DLGAP2: variants seen among roughly 807,000 people sequenced by gnomAD.
DLGAP2 encodes the protein DLG associated protein 2, also known as disks large-associated protein 2.
A neutral mutation model predicts 100.3 loss-of-function variants in DLGAP2; 26 were observed. That is an observed-to-expected ratio of 0.26 (90% CI 0.19 to 0.36). The LOEUF (loss-of-function observed/expected upper bound fraction) is 0.36. DLGAP2 is among the 10% of genes least tolerant of loss of function. DLGAP2 has a pLI of 1.00. For missense variants in DLGAP2, 1,858 were observed against 1,453.2 expected (o/e 1.28, Z -4.53); for synonymous variants, 886 against 630.1 (o/e 1.41, Z -6.08).
At chr8:1,437,136 G>A (rs958014920) in intron 3 of DLGAP2, among the ~76,000 whole-genome samples, 2 of 149,996 alleles carry the variant, frequency 1.3e-5, no homozygotes, top group African/African-American at 4.9e-5. Flanking sequence ...TAAGGGTGAC[G>A]CCATCCGGGT....
chr8:1,319,982 G>C (rs561107371), intron 3 of DLGAP2, among the ~76,000 whole-genome samples: 1 of 152,252 alleles, frequency 6.6e-6, no homozygotes, highest in African/African-American at 2.4e-5. Context: ...AACAGGGGTG[G>C]GGGAGAATAG....
intron 6 of DLGAP2, among the ~76,000 whole-genome samples, chr8:1,614,861 GCACA>G (rs149530782): frequency 2.0e-5 from 3 of 151,982 alleles, no homozygotes; most frequent in Non-Finnish European, 4.4e-5. Context: ...ACGTGCACAC[GCACA>G]CACACACACG....
intron 3 of DLGAP2, among the ~76,000 whole-genome samples, chr8:1,264,127 A>G (rs1487676800): frequency 6.6e-6 from 1 of 151,594 alleles, no homozygotes; most frequent in African/African-American, 2.4e-5. Context: ...ACAATATGTA[A>G]CACAATTTAT....
chr8:1,552,481 G>A (rs898551778), intron 5 of DLGAP2, among the ~76,000 whole-genome samples: 1 of 152,190 alleles, frequency 6.6e-6, no homozygotes, highest in African/African-American at 2.4e-5. Context: ...TCCTCGGGCT[G>A]TTTCTGTCCT....
intron 3 of DLGAP2, among the ~76,000 whole-genome samples, chr8:1,485,632 G>C (rs891977505): frequency 6.6e-6 from 1 of 152,320 alleles, no homozygotes; most frequent in African/African-American, 2.4e-5. Context: ...CCCCCTCCCA[G>C]CTCCCACTGT....
At chr8:1,260,003 C>T (rs78588409) in intron 3 of DLGAP2, among the ~76,000 whole-genome samples, 2 of 152,238 alleles carry the variant, frequency 1.3e-5, no homozygotes, top group African/African-American at 4.8e-5. Flanking sequence ...AAACATCAGA[C>T]TTTGGACACC....
intron 2 of DLGAP2, among the ~76,000 whole-genome samples, chr8:1,089,019 C>T (rs563743892): frequency 9.7e-5 from 13 of 134,290 alleles, no homozygotes; most frequent in African/African-American, 3.9e-4. Flanking sequence ...CTCACTCTCT[C>T]CACCCCTCAT....
At chr8:1,139,631 A>T (rs552959308) in intron 2 of DLGAP2, among the ~76,000 whole-genome samples, 1 of 152,308 alleles carries the variant, frequency 6.6e-6, no homozygotes, top group Middle Eastern at 3.4e-3. Context: ...GGAAGCCCAC[A>T]GGTCACTAAT....
chr8:1,244,805 G>C (rs1196254198), intron 2 of DLGAP2, among the ~76,000 whole-genome samples: 1 of 152,222 alleles, frequency 6.6e-6, no homozygotes, highest in Non-Finnish European at 1.5e-5. Context: ...TAAAGTTTTT[G>C]TGTGTTTCAG....
intron 8 of DLGAP2, among the ~76,000 whole-genome samples, chr8:1,642,161 C>T (rs1173203967): frequency 3.4e-5 from 1 of 29,244 alleles, no homozygotes; most frequent in Non-Finnish European, 5.5e-5. Context: ...TCGACCCCGC[C>T]GGTCCCCACC....
chr8:1,130,259 GAGA>G (rs1245396701), intron 2 of DLGAP2, among the ~76,000 whole-genome samples: 1 of 152,144 alleles, frequency 6.6e-6, no homozygotes, highest in East Asian at 1.9e-4. Context: ...TTGTTATTTG[GAGA>G]AGGAGATGTT....
intron 1 of DLGAP2, among the ~76,000 whole-genome samples, chr8:850,882 A>T (rs917402298): frequency 5.9e-5 from 9 of 151,996 alleles, no homozygotes; most frequent in African/African-American, 1.9e-4. Context: ...TTGGTAACAA[A>T]TTTTTCTCAC....
rs1464782399 is a variant in DLGAP2 at position 965,182 on chromosome 8, C to G, written c.73+57216C>G. On this transcript the variant is annotated intron_variant, in intron 2 of 14. Coordinates refer to ENST00000637795, the MANE Select transcript of DLGAP2 (RefSeq NM_001346810.2). Reference sequence around the variant, plus strand: ...CTGAGTCTGACCCCTGCGCTGCACACGGCACTGTTCACCACACAGGGCTCC... The same window carrying G: ...CTGAGTCTGACCCCTGCGCTGCACAGGGCACTGTTCACCACACAGGGCTCC... Among the ~76,000 whole-genome samples, 4 of 129,816 alleles carry G rather than the reference C, an allele frequency of 3.1e-5. No homozygotes were observed. The South Asian group carries it at 1.1e-3, about 35-fold the overall frequency. 85.2% of individuals were successfully genotyped at this position (129,816 alleles called of 152,430 possible). A position where few individuals can be genotyped will look rare whatever the true frequency, so the allele number is the denominator to read the frequency against.
intron 2 of DLGAP2, among the ~76,000 whole-genome samples, chr8:1,053,439 G>T (rs1585016983): frequency 6.6e-6 from 1 of 152,260 alleles, no homozygotes; most frequent in Admixed American, 6.5e-5. Context: ...GAAGGAACCA[G>T]AAGGACCAGG....
intron 5 of DLGAP2, among the ~76,000 whole-genome samples, chr8:1,554,090 C>T (rs1801873480): frequency 1.3e-5 from 2 of 152,100 alleles, no homozygotes; most frequent in Non-Finnish European, 2.9e-5. Flanking sequence ...GAGTTCAAGA[C>T]CAACCTGGCC....
chr8:1,532,804 A>C (rs1348649413), intron 4 of DLGAP2, among the ~76,000 whole-genome samples: 4 of 152,186 alleles, frequency 2.6e-5, no homozygotes, highest in Admixed American at 1.3e-4. Flanking sequence ...GTTATAGTCA[A>C]ATGTTTTGAA....
At chr8:1,689,301 AG>A (rs1160439487) in intron 12 of DLGAP2, among the ~76,000 whole-genome samples, 1 of 152,200 alleles carries the variant, frequency 6.6e-6, no homozygotes, top group Non-Finnish European at 1.5e-5. Flanking sequence ...CAAGATCCCC[AG>A]GTGAGGCACA....
intron 8 of DLGAP2, among the ~76,000 whole-genome samples, chr8:1,648,603 C>T (rs1170561912): frequency 1.3e-5 from 2 of 152,086 alleles, no homozygotes; most frequent in Non-Finnish European, 2.9e-5. Flanking sequence ...TCCCCTTCTG[C>T]ATGCAGGATT....
At chr8:760,183 C>T (rs1397278989) in intron 1 of DLGAP2, among the ~76,000 whole-genome samples, 1 of 152,156 alleles carries the variant, frequency 6.6e-6, no homozygotes, top group Non-Finnish European at 1.5e-5. Context: ...CTTTATTCCT[C>T]TGAAAGGCAT....
Sources: gnomAD v4.1 joint callset for allele counts (sites outside exome capture counted in the v4.1 genomes callset) on GRCh38, gnomAD v4.1.1 for gene constraint, MANE v1.5 for transcripts, NCBI Gene and HGNC (gene_info 2026-07-23, HGNC 2026-07-21) for gene names.